Variants in FSD1 observed in about 807,000 individuals in gnomAD.
FSD1 encodes fibronectin type III and SPRY domain containing 1.
Under a neutral mutation model 58.2 loss-of-function variants are expected in FSD1, and 23 were observed. The observed-to-expected ratio is 0.40, with a 90% CI of 0.28 to 0.56. The LOEUF is 0.56. Among genes scored for constraint, FSD1 ranks in the 20% least tolerant of loss-of-function variants. The pLI, the probability that FSD1 is intolerant of heterozygous loss-of-function variation, is 0.54. For missense variants in FSD1, 563 were observed against 670.8 expected, an observed-to-expected ratio of 0.84 and a Z score of 1.78; for synonymous variants, 265 against 263.4, an observed-to-expected ratio of 1.01 and a Z score of -0.06.
chr19:4,322,214 G>A (rs573726641), intron 10 of FSD1, among the ~76,000 whole-genome samples: 61 of 149,558 alleles, frequency 4.1e-4, no homozygotes, highest in African/African-American at 1.1e-3. Flanking sequence ...GGAGTATCTG[G>A]GAGAATTAGC....
intron 4 of FSD1, among the ~76,000 whole-genome samples, chr19:4,308,559 C>CA (rs1241646941): frequency 6.6e-6 from 1 of 151,458 alleles, no homozygotes; most frequent in Non-Finnish European, 1.5e-5. Flanking sequence ...CCCATCTCTA[C>CA]AAAAAATAAA....
In FSD1 at chr19:4,312,018, G is replaced by A. The variant is rs1393600479; in HGVS notation, c.667G>A (p.Glu223Lys). The A allele has an allele frequency of 1.6e-5, 25 of 1,611,334 alleles. No individual in the cohort carries two copies. Among genetic ancestry groups the A allele is most frequent in the Non-Finnish European group, 1.9e-5 (22 of 1,179,996 alleles). The change falls in exon 7 of 13, where the codon GAG becomes AAG. Residue 223 changes from glutamate (E) to lysine (K), a missense_variant. Coordinates refer to ENST00000221856, the MANE Select transcript of FSD1 (RefSeq NM_024333.3). Reference protein sequence around the residue: ...LKEDQPWMVIEGIRQTEYTLT... With the variant: ...LKEDQPWMVIKGIRQTEYTLT... ...GGAGGACCAGCCCTGGATGGTCATC[G>A]AGGGCATCCGGCAGACAGAGTACAC...
At chr19:4,319,297 T>C (rs1971789474) in intron 10 of FSD1, among the ~76,000 whole-genome samples, 2 of 152,008 alleles carry the variant, frequency 1.3e-5, no homozygotes, top group South Asian at 4.1e-4. Flanking sequence ...AAAGAATCAT[T>C]GCCTATAGAG....
chr19:4,306,337 C>T lies in FSD1; in HGVS notation c.243+8C>T, dbSNP rs1971621824. The T allele has an allele frequency of 1.9e-6, 3 of 1,613,094 alleles. No homozygotes were observed. The African/African-American group carries it at 4.0e-5, about 22-fold the overall frequency. On this transcript the variant is annotated splice_region_variant and intron_variant, in intron 3 of 12. Transcript: ENST00000221856. ...CGTACCTACGAGCTGCAGGTGAGGGCTGAGGGCATCTTCCTCTCCCCCCGC... is the reference window on the plus strand; with the variant it reads ...CGTACCTACGAGCTGCAGGTGAGGGTTGAGGGCATCTTCCTCTCCCCCCGC...
Position 4,318,478 on chromosome 19 carries a change from C to T in FSD1, c.932C>T (p.Thr311Met), listed in dbSNP as rs139108551. 212 of 1,612,030 alleles carry T rather than the reference C, an allele frequency of 1.3e-4. No individual in the cohort carries two copies. The highest frequency in any genetic ancestry group is 2.1e-4 in the African/African-American group (16 of 74,960). Residue 311 changes from threonine to methionine, a missense_variant, in exon 9 of 13, where the codon ACG (threonine) becomes ATG (methionine). By Grantham distance (81) the Thr-to-Met change is moderately conservative (BLOSUM62 -1). Coordinates refer to ENST00000221856, the MANE Select transcript of FSD1 (RefSeq NM_024333.3). ...CGCGAGAAAGATGGCAAGGGGCGGA[C>T]GGCGTCTCCCATCAACTCCCCAGCC... is the stretch of plus-strand genomic sequence containing the variant. ...KAREKDGKGRTASPINSPARG... is the reference protein window; with the variant it reads ...KAREKDGKGRMASPINSPARG...
rs1048575217 is a variant in FSD1, at chr19:4,306,834, G to A, written c.243+505G>A. Among the ~76,000 whole-genome samples the A allele has an allele frequency of 3.3e-5, 5 of 151,896 alleles. No homozygotes were observed. The East Asian group carries it at 9.7e-4, about 29-fold the overall frequency. On this transcript the variant is annotated intron_variant, in intron 3 of 12. Coordinates refer to ENST00000221856, the MANE Select transcript of FSD1 (RefSeq NM_024333.3). ...GATCTTCCCCTCCTGTCTTCACTCA[G>A]TGCCTCCGGTTTCTCAGCCCTTCCC...
intron 7 of FSD1, among the ~76,000 whole-genome samples, chr19:4,313,531 A>G (rs1971718850): frequency 6.6e-6 from 1 of 151,216 alleles, no homozygotes; most frequent in Admixed American, 6.6e-5. Context: ...CAGCCTGACC[A>G]ACATGGTGAA....
chr19:4,305,017 C>T (rs1312812555), intron 1 of FSD1, among the ~76,000 whole-genome samples: 3 of 140,610 alleles, frequency 2.1e-5, no homozygotes, highest in Non-Finnish European at 4.7e-5. Context: ...CAGTCCCATC[C>T]CTGACCCCCA....
intron 7 of FSD1, among the ~76,000 whole-genome samples, chr19:4,315,557 G>A (rs1010043290): frequency 9.4e-5 from 14 of 148,428 alleles, no homozygotes; most frequent in South Asian, 2.1e-4. Context: ...ATCCGCCTCC[G>A]TCGGCCTCCC....
chr19:4,305,793 T>C (rs59328025), intron 1 of FSD1, among the ~76,000 whole-genome samples, 153 bp from the exon 2 acceptor site: 17,131 of 152,212 alleles, frequency 0.11, 1,738 homozygotes, highest in African/African-American at 0.27. Flanking sequence ...CGTGTGTGTG[T>C]GCGCATGTGT....
intron 10 of FSD1, among the ~76,000 whole-genome samples, 159 bp from the exon 11 acceptor site, chr19:4,322,827 G>A (rs1365065549): frequency 1.3e-5 from 2 of 151,984 alleles, no homozygotes; most frequent in Non-Finnish European, 2.9e-5. Flanking sequence ...CTGGGAACCT[G>A]AGGAGTATCT....
chr19:4,308,056 AT>A, intron 4 of FSD1, 73 bp downstream of exon 4: 2 of 1,201,406 alleles, frequency 1.7e-6, no homozygotes, highest in Non-Finnish European at 2.4e-6. Context: ...GAACAAGCAC[AT>A]TTTTAGTGTA....
rs140484251 is a variant in FSD1, at chr19:4,312,028, G to A, written c.677G>A (p.Arg226Gln). 1.6e-5 allele frequency: 26 copies of A among 1,609,488 alleles called. No homozygotes were observed. The highest frequency in any genetic ancestry group is 2.7e-5 in the African/African-American group (2 of 74,918). The change falls in exon 7 of 13, where the codon CGG becomes CAG. Residue 226 changes from arginine to glutamine, a missense_variant. By Grantham distance (43) the Arg-to-Gln change is conservative. Coordinates refer to ENST00000221856, the MANE Select transcript of FSD1 (RefSeq NM_024333.3). ...CCCTGGATGGTCATCGAGGGCATCC[G>A]GCAGACAGAGTACACCCTGACAGGT... ...DQPWMVIEGIRQTEYTLTGLK... is the reference protein window; with the variant it reads ...DQPWMVIEGIQQTEYTLTGLK...
chr19:4,320,338 G>A (rs1971800237), intron 10 of FSD1, among the ~76,000 whole-genome samples: 2 of 152,054 alleles, frequency 1.3e-5, no homozygotes, highest in South Asian at 4.1e-4. Flanking sequence ...TGAGAACTAG[G>A]GGGAGCATCT....
rs774018118 is a variant in FSD1 at position 4,306,204 on chromosome 19, T to C, written c.118T>C (p.Ser40Pro). 1.2e-6 allele frequency: 2 copies of C among 1,613,860 alleles called. No homozygotes were observed. The highest frequency in any genetic ancestry group is 1.7e-6 in the Non-Finnish European group (2 of 1,179,896). The change falls in exon 3 of 13, where the codon TCG (serine) becomes CCG (proline). Residue 40 changes from serine (S) to proline (P), a missense_variant. Ser to Pro is a moderately conservative substitution (Grantham distance 74, BLOSUM62 -1). Transcript: ENST00000221856. ...TCTGGCTGTTCCGACCCAGGCGAAC[T>C]CGGCGAAGGTGCAGGAGGACCTCGA... ...KQMLLNVEAN[S>P]AKVQEDLEAE...
Position 4,323,503 on chromosome 19 carries a change from C to CGGGGG in FSD1, c.1381-30_1381-29insGGGGG. ...CTGGGCGCTGGGGTTTGAAGCTGAG[C>CGGGGG]CCCTCCCCCCTCCCCCCGCTGTCCC... On this transcript the variant is annotated intron_variant, in intron 12 of 12. Transcript: ENST00000221856. The surrounding 1 kb of genome is among the most constrained non-coding windows in gnomAD (Gnocchi z 7.7). The CGGGGG allele has an allele frequency of 1.2e-6, 1 of 857,154 alleles. No individual in the cohort carries two copies. The highest frequency in any genetic ancestry group is 1.7e-5 in the African/African-American group (1 of 60,598). The allele number at this position is 857,154 out of a possible 1,614,324, so 53.1% of individuals were successfully genotyped here.
In FSD1 at chr19:4,304,770, G is replaced by A. The variant is rs959965129; in HGVS notation, c.15+9G>A. 1.9e-6 allele frequency: 2 copies of A among 1,035,772 alleles called. No homozygotes were observed. Among genetic ancestry groups the A allele is most frequent in the African/African-American group, 1.6e-5 (1 of 60,776 alleles). 64.2% of individuals were successfully genotyped at this position (1,035,772 alleles called of 1,614,324 possible). ...CCATGGAAGAACAGAGGGTAGGACG[G>A]GGTGGGGCAGGGCGGGCCCGCAGGG... On this transcript the variant is annotated intron_variant, in intron 1 of 12. Coordinates refer to ENST00000221856, the MANE Select transcript of FSD1 (RefSeq NM_024333.3).
At chr19:4,322,929 A>T in intron 10 of FSD1, 57 bp from the exon 11 acceptor site, 1 of 1,550,088 alleles carries the variant, frequency 6.5e-7, no homozygotes, top group Non-Finnish European at 8.7e-7. Context: ...GTGGAAGGGC[A>T]TCTGTGGCCC....
chr19:4,308,718 C>T (rs1467784056), intron 4 of FSD1, among the ~76,000 whole-genome samples: 4 of 151,572 alleles, frequency 2.6e-5, no homozygotes, highest in East Asian at 3.9e-4. Context: ...ATTAGCCGGG[C>T]GTGGTGGCGG....
Sources: allele counts gnomAD v4.1 joint callset (sites outside exome capture counted in the v4.1 genomes callset), GRCh38; gene constraint gnomAD v4.1.1; non-coding constraint Gnocchi (gnomAD v3.1); transcripts MANE v1.5; gene names NCBI Gene and HGNC (gene_info 2026-07-23, HGNC 2026-07-21).